Variants in WDR47 observed in about 807,000 individuals in gnomAD.
WDR47 encodes WD repeat domain 47.
WDR47 carries 32 observed loss-of-function variants against 97.2 expected under a neutral mutation model. That is an observed-to-expected ratio of 0.33 (90% CI 0.25 to 0.44). The LOEUF is 0.44. Ranked by LOEUF, WDR47 falls within the 20% of genes least tolerant of loss-of-function variation. The probability of loss-of-function intolerance (pLI) is 1.00; values close to 1 mark genes in which losing one functional copy is unlikely to be tolerated. For missense variants in WDR47, 782 were observed against 1,102.3 expected (o/e 0.71, Z 4.11); for synonymous variants, 375 against 373.5 (o/e 1.00, Z -0.05).
At chr1:108,979,458 A>C (rs1238902275) in intron 13 of WDR47, among the ~76,000 whole-genome samples, 1 of 152,112 alleles carries the variant, frequency 6.6e-6, no homozygotes, top group African/African-American at 2.4e-5. Context: ...CCTGGAAGTC[A>C]AAACTGCAGT....
Position 109,010,996 on chromosome 1 carries a change from A to G in WDR47, c.1050T>C (p.Tyr350=), listed in dbSNP as rs762992190. 1 of 1,614,148 alleles carries G rather than the reference A, an allele frequency of 6.2e-7. No individual in the cohort carries two copies. Among genetic ancestry groups the G allele is most frequent in the East Asian group, 2.2e-5 (1 of 44,870 alleles). ...PMSHSFANFH[Y]PGVQNLSRSL... is the part of the protein sequence containing the mutation. ...TTCTACTGAGGTTTTGTACCCCTGG[A>G]TAATGGAAGTTAGCAAAGGAGTGTG... Residue 350 remains tyrosine (Y), a synonymous_variant, in exon 5 of 15, where the codon TAT becomes TAC. Coordinates refer to ENST00000369962, the MANE Select transcript of WDR47 (RefSeq NM_001142551.2).
At chr1:108,973,875 C>A (rs1030452847) in intron 14 of WDR47, among the ~76,000 whole-genome samples, 3 of 77,992 alleles carry the variant, frequency 3.8e-5, no homozygotes, top group Non-Finnish European at 7.6e-5. Context: ...AGAGTGAGAC[C>A]CTGCCTCAAA....
At chr1:109,010,868 C>G in intron 5 of WDR47, 48 bp downstream of exon 5, 2 of 1,550,512 alleles carry the variant, frequency 1.3e-6, no homozygotes, top group East Asian at 2.2e-5. Flanking sequence ...AGGCATAAGC[C>G]ACTGCACCCG....
intron 4 of WDR47, among the ~76,000 whole-genome samples, chr1:109,013,484 A>G (rs1242485729): frequency 6.6e-6 from 1 of 152,194 alleles, no homozygotes; most frequent in East Asian, 1.9e-4. Context: ...AAGACAATAC[A>G]GAAAAGACAG....
intron 6 of WDR47, 40 bp from the exon 7 acceptor site, chr1:109,002,442 C>T: frequency 6.9e-7 from 1 of 1,443,088 alleles, no homozygotes; most frequent in Non-Finnish European, 9.3e-7. Context: ...TTTGAGCAAA[C>T]TATGACAGAA....
chr1:108,995,172 G>A (rs1414009522), intron 8 of WDR47, among the ~76,000 whole-genome samples: 2 of 152,188 alleles, frequency 1.3e-5, no homozygotes, highest in Non-Finnish European at 2.9e-5. Context: ...TGCCAAAGCA[G>A]CCAACACTGC....
At chr1:108,983,183 A>T (rs1658480134) in intron 11 of WDR47, 99 bp downstream of exon 11, 1 of 1,182,068 alleles carries the variant, frequency 8.5e-7, no homozygotes, top group African/African-American at 1.6e-5. Context: ...TTAAGATTAT[A>T]TTCTTGGATT....
intron 3 of WDR47, among the ~76,000 whole-genome samples, chr1:109,015,719 G>A (rs906924844): frequency 2.6e-5 from 4 of 151,456 alleles, no homozygotes; most frequent in Admixed American, 6.6e-5. Context: ...CAGGTGCGTT[G>A]GCTCAAGCCT....
At chr1:109,012,678 T>A (rs1176060321) in intron 4 of WDR47, among the ~76,000 whole-genome samples, 3 of 151,456 alleles carry the variant, frequency 2.0e-5, no homozygotes, top group African/African-American at 7.3e-5. Context: ...ATTATAATAA[T>A]TTGTATAGTG....
chr1:108,989,812 A>G (rs1426909879), intron 9 of WDR47, among the ~76,000 whole-genome samples: 2 of 152,120 alleles, frequency 1.3e-5, no homozygotes, highest in East Asian at 3.9e-4. Flanking sequence ...CTCCTGCCTC[A>G]GCCTCCCAAG....
At chr1:108,992,365 C>T (rs1448688809) in intron 8 of WDR47, 3 of 1,292,462 alleles carry the variant, frequency 2.3e-6, no homozygotes, top group African/African-American at 2.9e-5. Flanking sequence ...ACTTTAAGAA[C>T]ACTCGTGAAA....
intron 1 of WDR47, among the ~76,000 whole-genome samples, chr1:109,027,844 T>G (rs931803109): frequency 6.6e-6 from 1 of 152,074 alleles, no homozygotes; most frequent in East Asian, 1.9e-4. Context: ...TAAACATCTA[T>G]TTCCTGTAAT....
At chr1:108,983,476 T>A in intron 10 of WDR47, 25 bp from the exon 11 acceptor site, 2 of 1,516,744 alleles carry the variant, frequency 1.3e-6, no homozygotes, top group Non-Finnish European at 1.8e-6. Context: ...TACAGAAATA[T>A]ATTTCAATTT....
chr1:108,986,314 T>C (rs1051047224), intron 10 of WDR47, among the ~76,000 whole-genome samples: 3 of 152,182 alleles, frequency 2.0e-5, no homozygotes, highest in East Asian at 3.8e-4. Flanking sequence ...ATCAAAAACA[T>C]TTTATGAAAA....
At chr1:108,990,992 T>TG (rs1342102452) in intron 9 of WDR47, among the ~76,000 whole-genome samples, 3 of 149,656 alleles carry the variant, frequency 2.0e-5, no homozygotes, top group African/African-American at 7.4e-5. Context: ...GTTTGTGGGG[T>TG]TTTTTTTTGT....
intron 1 of WDR47, among the ~76,000 whole-genome samples, chr1:109,025,349 G>A (rs1053838571): frequency 6.6e-6 from 1 of 150,760 alleles, no homozygotes; most frequent in Non-Finnish European, 1.5e-5. Flanking sequence ...AAAGATCACT[G>A]GAGCCCCAGA....
chr1:109,009,920 C>T (rs1178573038), intron 5 of WDR47, among the ~76,000 whole-genome samples: 1 of 151,926 alleles, frequency 6.6e-6, no homozygotes, highest in Non-Finnish European at 1.5e-5. Flanking sequence ...ATTGCTTGAA[C>T]CCGGGAGACG....
chr1:109,018,651 CA>C (rs1359470870), intron 2 of WDR47, among the ~76,000 whole-genome samples: 1 of 151,832 alleles, frequency 6.6e-6, no homozygotes, highest in African/African-American at 2.4e-5. Context: ...CCTGGCTCTA[CA>C]AAAAATACAA....
chr1:108,972,546 A>T (rs1214534627), intron 14 of WDR47, among the ~76,000 whole-genome samples: 1 of 152,166 alleles, frequency 6.6e-6, no homozygotes, highest in Non-Finnish European at 1.5e-5. Flanking sequence ...ATAATGGGGG[A>T]GGCAGGCTAT....
Sources: gnomAD v4.1 joint callset for allele counts (sites outside exome capture counted in the v4.1 genomes callset) on GRCh38, gnomAD v4.1.1 for gene constraint, MANE v1.5 for transcripts, NCBI Gene and HGNC (gene_info 2026-07-23, HGNC 2026-07-21) for gene names.